ARHGAP24: variants seen among roughly 807,000 people sequenced by gnomAD.
ARHGAP24 encodes Rho GTPase activating protein 24.
ARHGAP24 carries 50 observed loss-of-function variants against 76.4 expected under a neutral mutation model. The observed-to-expected ratio is 0.65, with a 90% CI of 0.52 to 0.83. The LOEUF is 0.83. Among genes scored for constraint, ARHGAP24 ranks in the 40% least tolerant of loss-of-function variants. The pLI, the probability that ARHGAP24 is intolerant of heterozygous loss-of-function variation, is 0.00. For synonymous variants in ARHGAP24, 345 were observed against 323.3 expected (o/e 1.07, Z -0.72); for missense variants, 930 against 914.2 (o/e 1.02, Z -0.22).
At chr4:85,753,816 A>G (rs904564011) in intron 3 of ARHGAP24, among the ~76,000 whole-genome samples, 1 of 152,182 alleles carries the variant, frequency 6.6e-6, no homozygotes, top group African/African-American at 2.4e-5. Context: ...TGCATGGGAT[A>G]TTTCAATACC....
At chr4:85,532,114 A>G (rs1421342448) in intron 1 of ARHGAP24, among the ~76,000 whole-genome samples, 2 of 152,236 alleles carry the variant, frequency 1.3e-5, no homozygotes, top group East Asian at 3.9e-4. Flanking sequence ...AAGATAATGG[A>G]TGCTGCTGTT....
chr4:85,541,346 G>T (rs1463738216), intron 1 of ARHGAP24, among the ~76,000 whole-genome samples: 1 of 126,194 alleles, frequency 7.9e-6, no homozygotes, highest in African/African-American at 5.0e-5. Flanking sequence ...GTAGAGACGG[G>T]GTTTCACCAT....
intron 2 of ARHGAP24, among the ~76,000 whole-genome samples, chr4:85,702,462 C>T (rs747858952): frequency 4.2e-4 from 64 of 152,086 alleles, no homozygotes; most frequent in Non-Finnish European, 7.6e-4. Context: ...ACATTTTTGA[C>T]AGCTATTTTA....
At chr4:85,607,923 A>G (rs1020608469) in intron 2 of ARHGAP24, among the ~76,000 whole-genome samples, 7 of 151,744 alleles carry the variant, frequency 4.6e-5, no homozygotes, top group African/African-American at 1.7e-4. Context: ...GACCAACGAA[A>G]ATCTCTGGGC....
intron 1 of ARHGAP24, among the ~76,000 whole-genome samples, chr4:85,559,401 A>G (rs1726510848): frequency 6.6e-6 from 1 of 151,014 alleles, no homozygotes; most frequent in South Asian, 2.1e-4. Context: ...TCACATCCTT[A>G]TTTTTTGTGA....
intron 8 of ARHGAP24, among the ~76,000 whole-genome samples, chr4:85,983,690 T>G (rs796454096): frequency 6.6e-6 from 1 of 152,168 alleles, no homozygotes; most frequent in Non-Finnish European, 1.5e-5. Flanking sequence ...TACTCTGTTA[T>G]TGTCTCCCCT....
At chr4:85,604,546 T>G (rs1263507994) in intron 2 of ARHGAP24, among the ~76,000 whole-genome samples, 1 of 152,198 alleles carries the variant, frequency 6.6e-6, no homozygotes, top group Non-Finnish European at 1.5e-5. Flanking sequence ...AAAATGTTCA[T>G]GATATTTGTA....
intron 3 of ARHGAP24, among the ~76,000 whole-genome samples, chr4:85,826,994 A>G (rs1729742739): frequency 6.6e-6 from 1 of 152,208 alleles, no homozygotes; most frequent in African/African-American, 2.4e-5. Flanking sequence ...GAAGATCAAA[A>G]TATGAGAAAT....
intron 1 of ARHGAP24, among the ~76,000 whole-genome samples, chr4:85,547,328 T>C (rs1725957723): frequency 6.6e-6 from 1 of 152,212 alleles, no homozygotes; most frequent in Non-Finnish European, 1.5e-5. Context: ...TGTTTATCCA[T>C]AATTGGATTC....
At chr4:85,768,341 A>G (rs1727005210) in intron 3 of ARHGAP24, among the ~76,000 whole-genome samples, 1 of 152,214 alleles carries the variant, frequency 6.6e-6, no homozygotes, top group Non-Finnish European at 1.5e-5. Context: ...ATCAGTATAT[A>G]TGAGCTCAAA....
intron 2 of ARHGAP24, among the ~76,000 whole-genome samples, chr4:85,596,938 A>T (rs1564561): frequency 0.93 from 141,451 of 152,102 alleles, 65,811 homozygotes; most frequent in East Asian, 0.98. Context: ...TATTTTTAAA[A>T]AAAATTACTT....
intron 5 of ARHGAP24, among the ~76,000 whole-genome samples, chr4:85,957,365 A>T (rs544707249): frequency 6.6e-6 from 1 of 152,284 alleles, no homozygotes; most frequent in South Asian, 2.1e-4. Context: ...CATAAGCACA[A>T]TGACAAGAAC....
Position 85,592,063 on chromosome 4 carries a change from T to C in ARHGAP24, c.180+21342T>C, listed in dbSNP as rs539599640. Among the ~76,000 whole-genome samples the C allele has an allele frequency of 3.3e-5, 5 of 152,296 alleles. No homozygotes were observed. In the South Asian group the frequency reaches 1.0e-3, roughly 32 times the overall value. ...GACCTTGGGCTGGATTTGTCAGATG[T>C]GACTCCCACTGTTCCTTCCCTCTTA... On this transcript the variant is annotated intron_variant, in intron 2 of 9. Transcript: ENST00000395184.
intron 3 of ARHGAP24, among the ~76,000 whole-genome samples, chr4:85,742,095 T>A (rs550901715): frequency 2.0e-5 from 3 of 152,158 alleles, no homozygotes; most frequent in Non-Finnish European, 4.4e-5. Context: ...CCCAGGCCAA[T>A]TGCCATGTGA....
intron 2 of ARHGAP24, among the ~76,000 whole-genome samples, chr4:85,585,199 A>T (rs1281398787): frequency 5.9e-5 from 9 of 152,234 alleles, no homozygotes; most frequent in Admixed American, 5.9e-4. Context: ...TGCCTTTATC[A>T]ACTCATACAA....
At chr4:85,484,852 A>G (rs1276426787) in intron 1 of ARHGAP24, among the ~76,000 whole-genome samples, 1 of 152,012 alleles carries the variant, frequency 6.6e-6, no homozygotes, top group Non-Finnish European at 1.5e-5. Flanking sequence ...CCTGACCTCA[A>G]GTCATCTGCC....
chr4:85,602,205 G>T (rs1720053308), intron 2 of ARHGAP24, among the ~76,000 whole-genome samples: 1 of 152,162 alleles, frequency 6.6e-6, no homozygotes. Context: ...GAAAAAGAAA[G>T]CAGTATTTGA....
chr4:85,506,937 G>A (rs1057512753), intron 1 of ARHGAP24, among the ~76,000 whole-genome samples: 1 of 152,124 alleles, frequency 6.6e-6, no homozygotes, highest in African/African-American at 2.4e-5. Flanking sequence ...GATAAAGTAG[G>A]TAAAACACAC....
intron 7 of ARHGAP24, among the ~76,000 whole-genome samples, chr4:85,976,890 C>T (rs772822215): frequency 6.3e-4 from 95 of 151,186 alleles, no homozygotes; most frequent in Non-Finnish European, 1.1e-3. Context: ...TCAAGCGATT[C>T]TCCTGCCTCA....
Sources: allele counts gnomAD v4.1 joint callset (sites outside exome capture counted in the v4.1 genomes callset), GRCh38; gene constraint gnomAD v4.1.1; transcripts MANE v1.5; gene names NCBI Gene and HGNC (gene_info 2026-07-23, HGNC 2026-07-21).